ADGRV1: variants seen among roughly 807,000 people sequenced by gnomAD.
ADGRV1 encodes the protein G-protein coupled receptor 98.
Under a neutral mutation model 596.2 loss-of-function variants are expected in ADGRV1, and 359 were observed. The ratio of observed to expected loss-of-function variants is 0.60; its 90% CI spans 0.55 to 0.66. The LOEUF (loss-of-function observed/expected upper bound fraction) is 0.66, where lower values mean the gene tolerates loss of function less well. Ranked by LOEUF, ADGRV1 falls within the 30% of genes least tolerant of loss-of-function variation. The probability of loss-of-function intolerance (pLI) is 0.00; values close to 1 mark genes in which losing one functional copy is unlikely to be tolerated. For synonymous variants in ADGRV1, 2,681 were observed against 2,679.2 expected, an observed-to-expected ratio of 1.00 and a Z score of -0.02; for missense variants, 7,274 against 7,575.6, an observed-to-expected ratio of 0.96 and a Z score of 1.48.
Position 90,672,718 on chromosome 5 carries a change from C to T in ADGRV1, c.4925C>T (p.Ser1642Leu), listed in dbSNP as rs1772657792. Residue 1642 changes from serine (S) to leucine (L), a missense_variant, in exon 22 of 90, where the codon TCA becomes TTA. Ser to Leu is a moderately radical substitution (Grantham distance 145, BLOSUM62 -2). Around this residue, in one of 5 missense-constraint regions of ADGRV1, gnomAD observed 3,643 missense variants for 3,809.2 expected, o/e 0.96. Transcript: ENST00000405460. The part of the protein sequence containing the change: ...GTITFLPWQR[S>L]EVLNIYVLDD... ...ATTACATTCCTTCCTTGGCAGAGATCAGAGGTAAACCCTACCTTTTTTGTT... is the reference window on the plus strand; with the variant it reads ...ATTACATTCCTTCCTTGGCAGAGATTAGAGGTAAACCCTACCTTTTTTGTT... The T allele has an allele frequency of 6.2e-7, 1 of 1,605,494 alleles. No individual in the cohort carries two copies. Among genetic ancestry groups the T allele is most frequent in the Non-Finnish European group, 8.5e-7 (1 of 1,175,070 alleles).
intron 75 of ADGRV1, among the ~76,000 whole-genome samples, chr5:90,817,159 C>A (rs1186190586): frequency 6.6e-6 from 1 of 151,872 alleles, no homozygotes; most frequent in Non-Finnish European, 1.5e-5. Context: ...TCTCTGATGG[C>A]CAGTGATGAT....
Position 90,724,960 on chromosome 5 carries a change from C to T in ADGRV1, c.9877C>T (p.Arg3293Ter), listed in dbSNP as rs769215629. The change falls in exon 46 of 90, where the codon CGA becomes TGA. Residue 3293 changes from arginine to a stop codon, truncating the protein, a stop_gained. Coordinates refer to ENST00000405460, the MANE Select transcript of ADGRV1 (RefSeq NM_032119.4). LOFTEE classifies it high-confidence loss of function. ...AAGAAAATCATCTGTTACTGTTTAC[C>T]GATGGCAGGGGATTTTTATTCCAGT... ...MLRKSSVTVY[R>*]WQGIFIPVED... 1.5e-5 allele frequency: 24 copies of T among 1,602,740 alleles called. No homozygotes were observed. The highest frequency in any genetic ancestry group is 2.3e-5 in the South Asian group (2 of 87,520).
chr5:90,778,129 G>A, intron 62 of ADGRV1, 86 bp downstream of exon 62: 1 of 1,403,686 alleles, frequency 7.1e-7, no homozygotes, highest in Non-Finnish European at 9.7e-7. Flanking sequence ...ATGTGTGGGT[G>A]TGTTTGTGTG....
intron 1 of ADGRV1, among the ~76,000 whole-genome samples, chr5:90,580,077 T>C (rs2151972735): frequency 6.6e-6 from 1 of 152,336 alleles, no homozygotes; most frequent in South Asian, 2.1e-4. Flanking sequence ...TTTGCTAGTC[T>C]GTATCTTTTA....
At chr5:90,933,976 C>T (rs950251864) in intron 83 of ADGRV1, among the ~76,000 whole-genome samples, 1 of 152,170 alleles carries the variant, frequency 6.6e-6, no homozygotes, top group African/African-American at 2.4e-5. Context: ...GGCAAGGGGC[C>T]TGTCGCAGGC....
At position 91,139,691 on chromosome 5, in the gene ADGRV1, C is replaced by G. The variant is rs146969446; in HGVS notation, c.18433-10339C>G. 6.6e-4 allele frequency among the ~76,000 whole-genome samples: 101 copies of G among 152,280 alleles called. 1 individual carries two copies. The East Asian group carries it at 0.019, about 28-fold the overall frequency. ...TATCAAACTGGCTGATTTAATGGAC[C>G]AAGTCAGATTATTCCCCTAACCTGA... On this transcript the variant is annotated intron_variant, in intron 87 of 89. Transcript: ENST00000405460.
chr5:90,609,371 C>A, intron 1 of ADGRV1, among the ~76,000 whole-genome samples: 1 of 151,874 alleles, frequency 6.6e-6, no homozygotes, highest in South Asian at 2.1e-4. Flanking sequence ...AGACAAATAA[C>A]ATTAACTACA....
intron 1 of ADGRV1, among the ~76,000 whole-genome samples, chr5:90,590,196 T>C (rs960521483): frequency 6.6e-6 from 1 of 152,226 alleles, no homozygotes; most frequent in African/African-American, 2.4e-5. Context: ...TATTGCTATG[T>C]AAGAAGCCAT....
chr5:90,742,514 T>A lies in ADGRV1; in HGVS notation c.10550-2532T>A, dbSNP rs1754077906. ...ACTGAAGATGTAATCAGATAGGGACTTAAAGGATTATGGTCTTTATCCTAA... is the reference window on the plus strand; with the variant it reads ...ACTGAAGATGTAATCAGATAGGGACATAAAGGATTATGGTCTTTATCCTAA... On this transcript the variant is annotated intron_variant, in intron 50 of 89. Coordinates refer to ENST00000405460, the MANE Select transcript of ADGRV1 (RefSeq NM_032119.4). Among the ~76,000 whole-genome samples, 3 of 152,160 alleles carry A rather than the reference T, an allele frequency of 2.0e-5. No individual in the cohort carries two copies. The South Asian group carries it at 6.2e-4, about 32-fold the overall frequency.
intron 85 of ADGRV1, among the ~76,000 whole-genome samples, chr5:91,034,821 T>G (rs529918857): frequency 6.6e-6 from 1 of 152,210 alleles, no homozygotes; most frequent in African/African-American, 2.4e-5. Flanking sequence ...CCCCCTGTTA[T>G]GTTGCCAAGG....
chr5:90,684,874 T>G (rs1181025532), intron 28 of ADGRV1, among the ~76,000 whole-genome samples: 2 of 152,154 alleles, frequency 1.3e-5, no homozygotes, highest in African/African-American at 2.4e-5. Flanking sequence ...AGAACAGGTT[T>G]GTCAGGGAAG....
chr5:90,877,710 G>A (rs10942614), intron 83 of ADGRV1, among the ~76,000 whole-genome samples: 30,991 of 151,180 alleles, frequency 0.2, 5,366 homozygotes, highest in African/African-American at 0.46. Flanking sequence ...ATAGTTAGGT[G>A]TAAGGTATAT....
At chr5:91,137,590 AT>A (rs1311553422) in intron 87 of ADGRV1, among the ~76,000 whole-genome samples, 1 of 152,214 alleles carries the variant, frequency 6.6e-6, no homozygotes, top group Non-Finnish European at 1.5e-5. Context: ...AGTATACAAC[AT>A]TATTTTGTTG....
chr5:90,648,399 G>A (rs1768100471), intron 17 of ADGRV1, among the ~76,000 whole-genome samples: 1 of 152,170 alleles, frequency 6.6e-6, no homozygotes, highest in Non-Finnish European at 1.5e-5. Context: ...AATAGTACAA[G>A]GAGTTTTTTT....
At chr5:90,560,634 A>G (rs1312182580) in intron 1 of ADGRV1, among the ~76,000 whole-genome samples, 1 of 152,136 alleles carries the variant, frequency 6.6e-6, no homozygotes, top group East Asian at 1.9e-4. Context: ...GGACTACTAT[A>G]AGAGTCTATA....
In ADGRV1 at chr5:90,672,660, C is replaced by A; in HGVS notation, c.4867C>A (p.Leu1623Ile). 1 of 1,613,626 alleles carries A rather than the reference C, an allele frequency of 6.2e-7. No individual in the cohort carries two copies. Among genetic ancestry groups the A allele is most frequent in the African/African-American group, 1.3e-5 (1 of 75,044 alleles). The change falls in exon 22 of 90, where the codon CTT (leucine) becomes ATT (isoleucine). Residue 1623 changes from leucine to isoleucine, a missense_variant. Physicochemically the swap from Leu to Ile is conservative, Grantham distance 5 (BLOSUM62 2). Transcript: ENST00000405460. ...GATTGAAACTGATGGCATTAATTAC[C>A]TTGTTGATGACTTTGCTAATGCCAG... ...SQIETDGINYLVDDFANASGT... is the reference protein window; with the variant it reads ...SQIETDGINYIVDDFANASGT...
At chr5:90,972,518 C>T (rs1368107705) in intron 84 of ADGRV1, among the ~76,000 whole-genome samples, 6 of 152,152 alleles carry the variant, frequency 3.9e-5, no homozygotes, top group African/African-American at 1.4e-4. Flanking sequence ...GACCACAGTG[C>T]AATCAAACTA....
Position 90,651,016 on chromosome 5 carries a change from T to C in ADGRV1, c.3290-588T>C, listed in dbSNP as rs561751689. 2.8e-3 allele frequency among the ~76,000 whole-genome samples: 424 copies of C among 152,238 alleles called. 1 individual carries two copies. Among genetic ancestry groups the C allele is most frequent in the African/African-American group, 9.8e-3 (407 of 41,546 alleles). On this transcript the variant is annotated intron_variant, in intron 17 of 89. Coordinates refer to ENST00000405460, the MANE Select transcript of ADGRV1 (RefSeq NM_032119.4). ...AATGTGTAGGCAATAACAGTGCCAA[T>C]ATACTGTGCAAAGAACTGGAGTAGA...
At chr5:90,785,851 C>T (rs1242152675) in intron 67 of ADGRV1, among the ~76,000 whole-genome samples, 1 of 152,126 alleles carries the variant, frequency 6.6e-6, no homozygotes, top group Non-Finnish European at 1.5e-5. Flanking sequence ...GGCGATTCCT[C>T]AAGGATCTAG....
Sources: allele counts gnomAD v4.1 joint callset (sites outside exome capture counted in the v4.1 genomes callset), GRCh38; gene constraint gnomAD v4.1.1; regional missense constraint gnomAD v4.1.1; transcripts MANE v1.5; gene names NCBI Gene and HGNC (gene_info 2026-07-23, HGNC 2026-07-21).